ARHGAP21: variants seen among roughly 807,000 people sequenced by gnomAD.
ARHGAP21 encodes Rho GTPase activating protein 21, also known as rho GTPase-activating protein 21.
Under a neutral mutation model 164.6 loss-of-function variants are expected in ARHGAP21, and 38 were observed. That is an observed-to-expected ratio of 0.23 (90% CI 0.18 to 0.30). The LOEUF is 0.30. ARHGAP21 is among the 10% of genes least tolerant of loss of function. ARHGAP21 has a pLI of 1.00. For missense variants in ARHGAP21, 1,822 were observed against 2,370.7 expected (o/e 0.77, Z 4.81); for synonymous variants, 766 against 857.9 (o/e 0.89, Z 1.87).
chr10:24,709,805 G>C (rs982621518), intron 2 of ARHGAP21, among the ~76,000 whole-genome samples: 27 of 148,558 alleles, frequency 1.8e-4, no homozygotes, highest in Admixed American at 6.7e-5. Context: ...AAACCCTACA[G>C]ACCAATATCC....
intron 2 of ARHGAP21, among the ~76,000 whole-genome samples, chr10:24,694,438 G>C (rs556165253): frequency 6.6e-6 from 1 of 152,322 alleles, no homozygotes; most frequent in African/African-American, 2.4e-5. Context: ...GGTTTATGCT[G>C]AACACTTCCT....
intron 2 of ARHGAP21, among the ~76,000 whole-genome samples, chr10:24,674,261 C>T (rs1840995592): frequency 6.6e-6 from 1 of 151,560 alleles, no homozygotes; most frequent in Non-Finnish European, 1.5e-5. Flanking sequence ...TAGCTGGGCA[C>T]AGTGGCTCAC....
intron 2 of ARHGAP21, among the ~76,000 whole-genome samples, chr10:24,673,823 C>T (rs542503482): frequency 4.6e-5 from 7 of 152,272 alleles, no homozygotes; most frequent in African/African-American, 1.7e-4. Flanking sequence ...GATTACACCA[C>T]TACACTCCAG....
intron 3 of ARHGAP21, among the ~76,000 whole-genome samples, chr10:24,668,133 T>C (rs567567397): frequency 6.6e-6 from 1 of 152,336 alleles, no homozygotes; most frequent in African/African-American, 2.4e-5. Context: ...AGTCGACTTA[T>C]CCAAGGTCAC....
intron 7 of ARHGAP21, 97 bp downstream of exon 7, chr10:24,629,898 AT>A (rs141682509): frequency 0.013 from 11,785 of 899,046 alleles, 137 homozygotes; most frequent in East Asian, 0.031. Context: ...AAATTCTAGA[AT>A]TTTTTTTAAA....
chr10:24,611,856 A>T (rs1407366768), intron 9 of ARHGAP21, among the ~76,000 whole-genome samples: 1 of 152,204 alleles, frequency 6.6e-6, no homozygotes, highest in African/African-American at 2.4e-5. Flanking sequence ...GCAGGAGCTA[A>T]TTTGAAATAA....
At chr10:24,603,932 G>C (rs2076917914) in intron 12 of ARHGAP21, among the ~76,000 whole-genome samples, 1 of 151,554 alleles carries the variant, frequency 6.6e-6, no homozygotes. Flanking sequence ...GGAGGTGGAG[G>C]TTGAAAAAGG....
At chr10:24,667,850 A>G (rs1840346540) in intron 3 of ARHGAP21, among the ~76,000 whole-genome samples, 1 of 151,910 alleles carries the variant, frequency 6.6e-6, no homozygotes, top group Non-Finnish European at 1.5e-5. Flanking sequence ...TTAATTACAC[A>G]TTTTCTAAAA....
chr10:24,590,307 CTT>C, intron 24 of ARHGAP21: 1 of 1,534,442 alleles, frequency 6.5e-7, no homozygotes, highest in Non-Finnish European at 8.7e-7. Context: ...TTATGAGAAA[CTT>C]TACACCACAG....
intron 4 of ARHGAP21, among the ~76,000 whole-genome samples, chr10:24,666,060 C>T (rs1840165123): frequency 6.6e-6 from 1 of 152,188 alleles, no homozygotes; most frequent in Non-Finnish European, 1.5e-5. Flanking sequence ...GACGGAGTCT[C>T]GCCCTGTCCC....
In ARHGAP21 at chr10:24,591,278, T is replaced by A; in HGVS notation, c.4097A>T (p.Asp1366Val). Residue 1366 changes from aspartate (D) to valine (V), a missense_variant, in exon 24 of 26, where the codon GAT becomes GTT. Coordinates refer to ENST00000396432, the MANE Select transcript of ARHGAP21 (RefSeq NM_020824.4). ...TVDSQPVPNI[D>V]HLLTNIGRTG... ...CCTTCCAATGTTGGTGAGTAAATGA[T>A]CTATGTTTGGCACTGGCTGGGAGTC... 6 of 1,612,978 alleles carry A rather than the reference T, an allele frequency of 3.7e-6. No individual in the cohort carries two copies. Among genetic ancestry groups the A allele is most frequent in the Non-Finnish European group, 5.1e-6 (6 of 1,179,996 alleles).
At chr10:24,592,558 A>G (rs888822079) in intron 21 of ARHGAP21, among the ~76,000 whole-genome samples, 7 of 152,122 alleles carry the variant, frequency 4.6e-5, no homozygotes, top group African/African-American at 1.4e-4. Flanking sequence ...CTGTAGTCCC[A>G]GCACTTTGGG....
chr10:24,690,371 T>C (rs1436150197), intron 2 of ARHGAP21, among the ~76,000 whole-genome samples: 2 of 152,244 alleles, frequency 1.3e-5, no homozygotes, highest in Admixed American at 6.5e-5. Flanking sequence ...ATGAGATTCC[T>C]ATATCCATAT....
intron 2 of ARHGAP21, among the ~76,000 whole-genome samples, chr10:24,684,510 A>G (rs1221845085): frequency 6.6e-6 from 1 of 152,202 alleles, no homozygotes; most frequent in Admixed American, 6.5e-5. Flanking sequence ...TTTTTAAATG[A>G]TATCTTAAAT....
chr10:24,612,664 T>C lies in ARHGAP21; in HGVS notation c.2423-4761A>G, dbSNP rs570095712. On this transcript the variant is annotated intron_variant, in intron 9 of 25. Transcript: ENST00000396432. The stretch of plus-strand genomic sequence containing the variant: ...GGTCAGGAGATCAAGACCATCCTGG[T>C]TAATACGGTGAAACCCCGTCTCTAC... Among the ~76,000 whole-genome samples the C allele has an allele frequency of 3.8e-4, 58 of 151,634 alleles. No homozygotes were observed. In the South Asian group the frequency reaches 8.6e-3, roughly 22 times the overall value.
intron 6 of ARHGAP21, among the ~76,000 whole-genome samples, chr10:24,633,084 T>G (rs1230018995): frequency 2.0e-5 from 3 of 152,228 alleles, no homozygotes; most frequent in African/African-American, 7.2e-5. Flanking sequence ...ATATATGCAT[T>G]TATTTATATA....
intron 2 of ARHGAP21, among the ~76,000 whole-genome samples, chr10:24,702,613 G>A (rs1843801234): frequency 2.0e-5 from 3 of 151,536 alleles, no homozygotes. Context: ...TTGAGACAAG[G>A]TCTTGCTCTG....
chr10:24,675,974 C>T (rs1029222970), intron 2 of ARHGAP21, among the ~76,000 whole-genome samples: 4 of 152,010 alleles, frequency 2.6e-5, no homozygotes, highest in Non-Finnish European at 4.4e-5. Flanking sequence ...ATGGTGAAAC[C>T]CCATCTCTAT....
intron 2 of ARHGAP21, among the ~76,000 whole-genome samples, chr10:24,691,288 C>T (rs941612901): frequency 6.6e-6 from 1 of 152,146 alleles, no homozygotes; most frequent in African/African-American, 2.4e-5. Context: ...CAAAGGCAAA[C>T]GGCATGAAGC....
Sources: allele counts gnomAD v4.1 joint callset (sites outside exome capture counted in the v4.1 genomes callset), GRCh38; gene constraint gnomAD v4.1.1; transcripts MANE v1.5; gene names NCBI Gene and HGNC (gene_info 2026-07-23, HGNC 2026-07-21).